The following DGKI variants were observed in gnomAD, a reference collection of about 807,000 sequenced individuals.
DGKI encodes the protein DAG kinase iota.
Under a neutral mutation model 147.5 loss-of-function variants are expected in DGKI, and 55 were observed. The observed-to-expected ratio is 0.37, with a 90% CI of 0.30 to 0.47. DGKI has a LOEUF of 0.47. Ranked by LOEUF, DGKI falls within the 20% of genes least tolerant of loss-of-function variation. The pLI is 1.00. For missense variants in DGKI, 1,007 were observed against 1,323.8 expected (o/e 0.76, Z 3.71); for synonymous variants, 469 against 477.1 (o/e 0.98, Z 0.22).
intron 3 of DGKI, among the ~76,000 whole-genome samples, chr7:137,677,328 C>T (rs544541244): frequency 2.6e-5 from 4 of 152,276 alleles, no homozygotes; most frequent in South Asian, 2.1e-4. Context: ...CCAAAGGTCA[C>T]GAGTTCTCAA....
At chr7:137,480,141 A>G (rs1339366909) in intron 23 of DGKI, among the ~76,000 whole-genome samples, 1 of 152,200 alleles carries the variant, frequency 6.6e-6, no homozygotes, top group African/African-American at 2.4e-5. Flanking sequence ...CAACTCCAGT[A>G]CTGTCTTCAC....
intron 27 of DGKI, among the ~76,000 whole-genome samples, chr7:137,448,898 T>G (rs1342874075): frequency 1.3e-5 from 2 of 152,170 alleles, no homozygotes; most frequent in African/African-American, 2.4e-5. Flanking sequence ...CTTTTTCCAC[T>G]GTGGTACCAC....
At chr7:137,834,729 T>C (rs1246175248) in intron 1 of DGKI, among the ~76,000 whole-genome samples, 3 of 152,276 alleles carry the variant, frequency 2.0e-5, no homozygotes, top group Admixed American at 2.0e-4. Flanking sequence ...AAAATACATT[T>C]GTATAGATAC....
chr7:137,714,131 T>C (rs1011861330), intron 1 of DGKI, among the ~76,000 whole-genome samples: 1 of 152,234 alleles, frequency 6.6e-6, no homozygotes, highest in Admixed American at 6.5e-5. Flanking sequence ...TTTTAATAGA[T>C]TCTTTCTGAT....
chr7:137,424,872 A>C (rs549930910), intron 28 of DGKI, among the ~76,000 whole-genome samples: 1 of 152,218 alleles, frequency 6.6e-6, no homozygotes, highest in Non-Finnish European at 1.5e-5. Flanking sequence ...GCTTAGGTAA[A>C]CAAAGCAGCC....
At chr7:137,685,095 T>C (rs913342597) in intron 2 of DGKI, among the ~76,000 whole-genome samples, 3 of 152,170 alleles carry the variant, frequency 2.0e-5, no homozygotes, top group African/African-American at 7.2e-5. Flanking sequence ...TGTGAGGCAG[T>C]GCACCAACTG....
At chr7:137,563,366 A>T (rs1331887728) in intron 19 of DGKI, among the ~76,000 whole-genome samples, 2 of 152,054 alleles carry the variant, frequency 1.3e-5, no homozygotes, top group Admixed American at 6.5e-5. Context: ...GTGCATTCTT[A>T]TCATTTTTAT....
At chr7:137,766,379 T>A (rs866131922) in intron 1 of DGKI, among the ~76,000 whole-genome samples, 9 of 152,170 alleles carry the variant, frequency 5.9e-5, no homozygotes, top group Non-Finnish European at 8.8e-5. Flanking sequence ...TAAGTTTTTT[T>A]AAAAAGTAAA....
chr7:137,459,830 C>A (rs777625800), intron 27 of DGKI, among the ~76,000 whole-genome samples: 1 of 151,994 alleles, frequency 6.6e-6, no homozygotes, highest in Non-Finnish European at 1.5e-5. Context: ...TCATTGATTT[C>A]TCTCATTATC....
intron 1 of DGKI, chr7:137,843,531 G>T: frequency 1.8e-6 from 1 of 553,474 alleles, no homozygotes; most frequent in Non-Finnish European, 2.3e-6. Context: ...AATAGATAAT[G>T]AGGGGAAATC....
intron 8 of DGKI, among the ~76,000 whole-genome samples, chr7:137,615,949 C>A (rs1198364153): frequency 6.6e-6 from 1 of 152,144 alleles, no homozygotes; most frequent in Non-Finnish European, 1.5e-5. Flanking sequence ...CTCTTAACCA[C>A]TGCTGCATTG....
At chr7:137,478,344 T>C (rs1432391642) in intron 23 of DGKI, among the ~76,000 whole-genome samples, 1 of 152,220 alleles carries the variant, frequency 6.6e-6, no homozygotes, top group Non-Finnish European at 1.5e-5. Flanking sequence ...TAACCTACCA[T>C]GACCACACAG....
At chr7:137,476,431 T>C (rs2128931572) in intron 23 of DGKI, among the ~76,000 whole-genome samples, 1 of 152,310 alleles carries the variant, frequency 6.6e-6, no homozygotes, top group East Asian at 1.9e-4. Context: ...CTTAGACTAT[T>C]CCATTTTTTA....
chr7:137,397,167 G>A (rs1459723152), intron 31 of DGKI, among the ~76,000 whole-genome samples: 1 of 152,210 alleles, frequency 6.6e-6, no homozygotes. Context: ...CGCTGACTAT[G>A]GAGGCAAGCA....
chr7:137,758,249 G>A (rs1452793033), intron 1 of DGKI, among the ~76,000 whole-genome samples: 1 of 152,190 alleles, frequency 6.6e-6, no homozygotes, highest in Non-Finnish European at 1.5e-5. Flanking sequence ...GGTGAGCTAT[G>A]GGCTCATTCT....
intron 15 of DGKI, 79 bp downstream of exon 15, chr7:137,581,771 T>C (rs1036815623): frequency 1.2e-5 from 14 of 1,199,694 alleles, no homozygotes; most frequent in African/African-American, 7.5e-5. Context: ...GCGTAAGTGA[T>C]ATACAAACAA....
At chr7:137,513,711 C>G in intron 21 of DGKI, 1 of 439,802 alleles carries the variant, frequency 2.3e-6, no homozygotes, top group Non-Finnish European at 4.4e-6. Flanking sequence ...ACCTGTACAG[C>G]ATGTTACTGT....
At chr7:137,709,034 C>T (rs1355152494) in intron 1 of DGKI, among the ~76,000 whole-genome samples, 3 of 152,200 alleles carry the variant, frequency 2.0e-5, no homozygotes, top group African/African-American at 7.2e-5. Flanking sequence ...AACGCATTAA[C>T]TTTATGACTC....
intron 1 of DGKI, among the ~76,000 whole-genome samples, chr7:137,691,588 T>C (rs867820438): frequency 1.3e-4 from 20 of 152,130 alleles, no homozygotes; most frequent in African/African-American, 4.3e-4. Context: ...AAAAGCTTTC[T>C]TGAACCCTGA....
Sources: gnomAD v4.1 joint callset for allele counts (sites outside exome capture counted in the v4.1 genomes callset) on GRCh38, gnomAD v4.1.1 for gene constraint, MANE v1.5 for transcripts, NCBI Gene and HGNC (gene_info 2026-07-23, HGNC 2026-07-21) for gene names.